The following FBXO34 variants were observed in gnomAD, a reference collection of about 807,000 sequenced individuals.
FBXO34 encodes F-box protein 34, also known as F-box only protein 34.
In FBXO34, 12 loss-of-function variants were observed where a neutral mutation model predicts 24.5. That is an observed-to-expected ratio of 0.49 (90% CI 0.31 to 0.79). FBXO34 has a LOEUF of 0.79. Among genes scored for constraint, FBXO34 ranks in the 30% least tolerant of loss-of-function variants. The probability of loss-of-function intolerance (pLI) is 0.04; values close to 1 mark genes in which losing one functional copy is unlikely to be tolerated. For missense variants in FBXO34, 823 were observed against 857.7 expected, an observed-to-expected ratio of 0.96 and a Z score of 0.51; for synonymous variants, 320 against 311.9, an observed-to-expected ratio of 1.03 and a Z score of -0.27.
intron 1 of FBXO34, among the ~76,000 whole-genome samples, chr14:55,323,416 C>G (rs1347747988): frequency 6.7e-6 from 1 of 149,320 alleles, no homozygotes; most frequent in African/African-American, 2.5e-5. Context: ...TGTAATCTCG[C>G]TCTGTCCCCA....
the FBXO34 span, among the ~76,000 whole-genome samples, chr14:55,411,215 G>A: frequency 6.6e-6 from 1 of 152,238 alleles, no homozygotes; most frequent in African/African-American, 2.4e-5. Context: ...TAGAGAATGA[G>A]TATAAATATG....
At chr14:55,436,722 G>T in the FBXO34 span, 1 of 1,614,088 alleles carries the variant, frequency 6.2e-7, no homozygotes, top group Non-Finnish European at 8.5e-7. Context: ...TTGACAAACT[G>T]CTGCTGTTTA....
the FBXO34 span, among the ~76,000 whole-genome samples, chr14:55,441,250 G>A: frequency 6.6e-6 from 1 of 151,274 alleles, no homozygotes; most frequent in Non-Finnish European, 1.5e-5. Flanking sequence ...CTGGACTCAA[G>A]CTCCTGCCTC....
chr14:55,385,822 G>T, the FBXO34 span: 1 of 1,503,404 alleles, frequency 6.7e-7, no homozygotes, highest in Non-Finnish European at 9.1e-7. Context: ...TTTGGAACTT[G>T]ATCTATTCCT....
chr14:55,402,502 G>A, the FBXO34 span, among the ~76,000 whole-genome samples: 1 of 152,096 alleles, frequency 6.6e-6, no homozygotes, highest in South Asian at 2.1e-4. Context: ...CTAATAGCAA[G>A]AAACTGGAAA....
intron 1 of FBXO34, among the ~76,000 whole-genome samples, chr14:55,303,640 G>A (rs1390038376): frequency 6.7e-6 from 1 of 149,556 alleles, no homozygotes; most frequent in Non-Finnish European, 1.5e-5. Flanking sequence ...GGAATTTATG[G>A]GAACATACTT....
Position 55,351,018 on chromosome 14 carries a change from A to T in FBXO34, c.628A>T (p.Met210Leu). The T allele has an allele frequency of 6.2e-7, 1 of 1,614,186 alleles. No homozygotes were observed. Among genetic ancestry groups the T allele is most frequent in the Non-Finnish European group, 8.5e-7 (1 of 1,180,022 alleles). ...YAGRPLSVIQ[M>L]VAFLEQRASA... The stretch of plus-strand genomic sequence containing the variant: ...TGGGAGGCCTCTGTCAGTTATACAG[A>T]TGGTTGCCTTCTTGGAGCAAAGAGC... The change falls in exon 2 of 2, where the codon ATG becomes TTG. Residue 210 changes from methionine to leucine, a missense_variant. Physicochemically the swap from Met to Leu is conservative, Grantham distance 15. Around this residue, in one of 2 missense-constraint regions of FBXO34, gnomAD observed 693 missense variants for 659.1 expected, o/e 1.05. Coordinates refer to ENST00000313833, the MANE Select transcript of FBXO34 (RefSeq NM_017943.4).
At chr14:55,278,713 G>C (rs1047438598) in intron 1 of FBXO34, among the ~76,000 whole-genome samples, 1 of 152,028 alleles carries the variant, frequency 6.6e-6, no homozygotes, top group Non-Finnish European at 1.5e-5. Flanking sequence ...TTTGAGACAG[G>C]TGCTTGATCT....
At chr14:55,426,722 A>AAAAG in the FBXO34 span, among the ~76,000 whole-genome samples, 8 of 150,556 alleles carry the variant, frequency 5.3e-5, no homozygotes, top group Non-Finnish European at 1.0e-4. Context: ...TTAAAAAAAA[A>AAAAG]AAAAGAAAAG....
chr14:55,336,846 C>T (rs1170796244), intron 1 of FBXO34, among the ~76,000 whole-genome samples: 1 of 150,934 alleles, frequency 6.6e-6, no homozygotes, highest in African/African-American at 2.5e-5. Context: ...ATGCTATACA[C>T]ATATAGAATA....
At chr14:55,364,724 CAA>C (rs1884642658), downstream of FBXO34, among the ~76,000 whole-genome samples, 2 of 136,198 alleles carry the variant, frequency 1.5e-5, no homozygotes. Flanking sequence ...CCACAGTGCC[CAA>C]CTTTTTTTTT....
intron 1 of FBXO34, among the ~76,000 whole-genome samples, chr14:55,279,989 G>C (rs1471038709): frequency 6.6e-6 from 1 of 152,094 alleles, no homozygotes; most frequent in Non-Finnish European, 1.5e-5. Flanking sequence ...TTGCCTTTTT[G>C]TGTTTAGTCT....
intron 1 of FBXO34, chr14:55,335,194 G>A (rs949379549): frequency 6.6e-6 from 1 of 152,134 alleles, no homozygotes; most frequent in Non-Finnish European, 1.5e-5. Flanking sequence ...AAGATGTAGG[G>A]GACTAGAATG....
At chr14:55,385,919 G>A in the FBXO34 span, 1 of 1,614,136 alleles carries the variant, frequency 6.2e-7, no homozygotes, top group Non-Finnish European at 8.5e-7. Flanking sequence ...TAATATATGG[G>A]ATCGTCGAAG....
At chr14:55,425,139 T>C in the FBXO34 span, among the ~76,000 whole-genome samples, 12 of 152,240 alleles carry the variant, frequency 7.9e-5, no homozygotes, top group Non-Finnish European at 1.5e-4. Flanking sequence ...AACCTTTTAC[T>C]GGCTCCAGAA....
chr14:55,382,812 T>G, the FBXO34 span, among the ~76,000 whole-genome samples: 8 of 152,216 alleles, frequency 5.3e-5, no homozygotes, highest in Non-Finnish European at 1.2e-4. Flanking sequence ...CCTCTCTACG[T>G]GTTTAAAACA....
At chr14:55,280,544 T>TTTTTTGG (rs1280703000) in intron 1 of FBXO34, among the ~76,000 whole-genome samples, 1 of 149,802 alleles carries the variant, frequency 6.7e-6, no homozygotes, top group Non-Finnish European at 1.5e-5. Context: ...TTTTTTTTTT[T>TTTTTTGG]GAGATGGAGT....
chr14:55,412,082 G>A, the FBXO34 span, among the ~76,000 whole-genome samples: 2 of 152,228 alleles, frequency 1.3e-5, no homozygotes, highest in African/African-American at 4.8e-5. Flanking sequence ...CCAAGACTAC[G>A]AGTTAAAGCC....
At chr14:55,382,225 A>G in the FBXO34 span, 1 of 1,604,810 alleles carries the variant, frequency 6.2e-7, no homozygotes, top group Non-Finnish European at 8.5e-7. Context: ...GATTTTCAAG[A>G]GAGAGGGTTT....
Sources: gnomAD v4.1 joint callset for allele counts (sites outside exome capture counted in the v4.1 genomes callset) on GRCh38, gnomAD v4.1.1 for gene constraint, gnomAD v4.1.1 regional missense constraint, MANE v1.5 for transcripts, NCBI Gene and HGNC (gene_info 2026-07-23, HGNC 2026-07-21) for gene names.